KLHL1: variants seen among roughly 807,000 people sequenced by gnomAD.
The protein encoded by KLHL1 is kelch-like protein 1.
A neutral mutation model predicts 77.7 loss-of-function variants in KLHL1; 47 were observed. The observed-to-expected ratio is 0.60, with a 90% CI of 0.48 to 0.77. The LOEUF (loss-of-function observed/expected upper bound fraction) is 0.77. Among genes scored for constraint, KLHL1 ranks in the 30% least tolerant of loss-of-function variants. KLHL1 has a pLI of 0.00. For synonymous variants in KLHL1, 360 were observed against 325.2 expected, an observed-to-expected ratio of 1.11 and a Z score of -1.15; for missense variants, 925 against 910.8, an observed-to-expected ratio of 1.02 and a Z score of -0.20.
chr13:69,715,614 T>C (rs781485100), intron 9 of KLHL1, among the ~76,000 whole-genome samples: 6 of 151,940 alleles, frequency 3.9e-5, no homozygotes, highest in South Asian at 2.1e-4. Context: ...CAGTTCTTTA[T>C]AGCAATGTGA....
intron 7 of KLHL1, among the ~76,000 whole-genome samples, chr13:69,756,909 G>T (rs200547756): frequency 6.6e-6 from 1 of 152,056 alleles, no homozygotes; most frequent in Non-Finnish European, 1.5e-5. Context: ...TGTCACTAAG[G>T]TTATCCTTTG....
intron 7 of KLHL1, among the ~76,000 whole-genome samples, chr13:69,786,699 A>G (rs896849987): frequency 2.6e-5 from 4 of 152,206 alleles, no homozygotes; most frequent in African/African-American, 9.6e-5. Flanking sequence ...TTCAATTAGG[A>G]AAAGAGTAAG....
At chr13:69,746,281 T>C (rs925002538) in intron 7 of KLHL1, among the ~76,000 whole-genome samples, 2 of 151,810 alleles carry the variant, frequency 1.3e-5, no homozygotes, top group African/African-American at 2.4e-5. Context: ...ATATAATTAC[T>C]ATACATTTTA....
chr13:69,832,505 G>A (rs537134664), intron 6 of KLHL1, among the ~76,000 whole-genome samples: 9 of 149,582 alleles, frequency 6.0e-5, no homozygotes, highest in Admixed American at 1.3e-4. Context: ...TAGAATCATT[G>A]GGAAAATAAT....
chr13:69,964,199 A>G (rs893569372), intron 2 of KLHL1, among the ~76,000 whole-genome samples: 1 of 152,106 alleles, frequency 6.6e-6, no homozygotes, highest in Non-Finnish European at 1.5e-5. Context: ...ATATGCTACC[A>G]TGCCTAGCTA....
At chr13:69,994,947 T>C (rs1336594965) in intron 1 of KLHL1, among the ~76,000 whole-genome samples, 1 of 152,126 alleles carries the variant, frequency 6.6e-6, no homozygotes, top group Non-Finnish European at 1.5e-5. Flanking sequence ...AAGCAAACTA[T>C]AGACTCTGAT....
intron 5 of KLHL1, 105 bp from the exon 6 acceptor site, chr13:69,839,267 G>A (rs1397690597): frequency 1.7e-5 from 12 of 713,346 alleles, no homozygotes; most frequent in African/African-American, 3.6e-5. Flanking sequence ...TCCTTATATT[G>A]AGCAGGATGC....
chr13:69,968,873 T>C (rs1417291156), intron 2 of KLHL1, among the ~76,000 whole-genome samples: 1 of 151,998 alleles, frequency 6.6e-6, no homozygotes, highest in African/African-American at 2.4e-5. Flanking sequence ...ACTTAAAGTA[T>C]AATAATAAAA....
At chr13:70,071,808 T>C (rs2137418620) in intron 1 of KLHL1, among the ~76,000 whole-genome samples, 1 of 152,104 alleles carries the variant, frequency 6.6e-6, no homozygotes, top group African/African-American at 2.4e-5. Flanking sequence ...CCAATCAATA[T>C]ATGTTCAAAG....
intron 4 of KLHL1, among the ~76,000 whole-genome samples, chr13:69,889,016 G>A (rs934504333): frequency 3.3e-5 from 5 of 151,592 alleles, no homozygotes; most frequent in African/African-American, 1.2e-4. Flanking sequence ...CACCTTAAGA[G>A]TAAGGCTGCA....
At chr13:69,753,509 C>G (rs1338682902) in intron 7 of KLHL1, among the ~76,000 whole-genome samples, 1 of 151,972 alleles carries the variant, frequency 6.6e-6, no homozygotes, top group Non-Finnish European at 1.5e-5. Context: ...ATGAAGATGA[C>G]AAAAATAATA....
intron 4 of KLHL1, among the ~76,000 whole-genome samples, chr13:69,884,960 G>T: frequency 8.4e-6 from 1 of 118,764 alleles, no homozygotes; most frequent in Admixed American, 8.7e-5. Flanking sequence ...TTGAGACGGA[G>T]TCTCGCTCTG....
At chr13:70,102,663 C>A (rs911227688) in intron 1 of KLHL1, among the ~76,000 whole-genome samples, 1 of 152,084 alleles carries the variant, frequency 6.6e-6, no homozygotes, top group Non-Finnish European at 1.5e-5. Context: ...TTATTAATAA[C>A]AAGTCTGTGA....
intron 4 of KLHL1, among the ~76,000 whole-genome samples, chr13:69,892,182 G>A (rs1199391495): frequency 6.6e-6 from 1 of 152,164 alleles, no homozygotes; most frequent in Non-Finnish European, 1.5e-5. Flanking sequence ...AGAACGGTAT[G>A]AGCTAGAAAG....
rs568094856 is a variant in KLHL1 at position 69,785,139 on chromosome 13, G to A, written c.1639+11599C>T. Among the ~76,000 whole-genome samples, 91 of 151,740 alleles carry A rather than the reference G, an allele frequency of 6.0e-4. 1 individual carries two copies. Among genetic ancestry groups the A allele is most frequent in the Admixed American group, 2.1e-3 (32 of 15,240 alleles). ...GATCTCCTGACCTCGTGATCCGCCCGCCTTGGCCTCCCAAAGTGCTGGGAT... is the reference window on the plus strand; with the variant it reads ...GATCTCCTGACCTCGTGATCCGCCCACCTTGGCCTCCCAAAGTGCTGGGAT... On this transcript the variant is annotated intron_variant, in intron 7 of 10. Coordinates refer to ENST00000377844, the MANE Select transcript of KLHL1 (RefSeq NM_020866.3).
chr13:70,074,449 C>T (rs1261592296), intron 1 of KLHL1, among the ~76,000 whole-genome samples: 1 of 151,974 alleles, frequency 6.6e-6, no homozygotes, highest in Non-Finnish European at 1.5e-5. Context: ...ACTCCCCACC[C>T]CCACATCTAC....
chr13:70,002,043 A>G (rs1177777560), intron 1 of KLHL1, among the ~76,000 whole-genome samples: 1 of 151,600 alleles, frequency 6.6e-6, no homozygotes, highest in Non-Finnish European at 1.5e-5. Flanking sequence ...ATCTTCAATG[A>G]TATTAAAGCA....
At chr13:69,920,257 C>T (rs1882589709) in intron 4 of KLHL1, among the ~76,000 whole-genome samples, 2 of 151,828 alleles carry the variant, frequency 1.3e-5, no homozygotes, top group Admixed American at 6.6e-5. Context: ...TGTCAGTTTC[C>T]AATTTTTGGA....
At chr13:69,712,921 C>G (rs1875948266) in intron 9 of KLHL1, among the ~76,000 whole-genome samples, 2 of 151,700 alleles carry the variant, frequency 1.3e-5, no homozygotes, top group African/African-American at 4.8e-5. Context: ...GCAAACCTTC[C>G]ACCTTAACCT....
Sources: gnomAD v4.1 joint callset for allele counts (sites outside exome capture counted in the v4.1 genomes callset) on GRCh38, gnomAD v4.1.1 for gene constraint, MANE v1.5 for transcripts, NCBI Gene and HGNC (gene_info 2026-07-23, HGNC 2026-07-21) for gene names.